LCN8: variants seen among roughly 807,000 people sequenced by gnomAD.
LCN8 encodes epididymal-specific lipocalin-8.
In LCN8, 16 loss-of-function variants were observed where a neutral mutation model predicts 22.8. The ratio of observed to expected loss-of-function variants is 0.70; its 90% CI spans 0.47 to 1.06. The LOEUF (loss-of-function observed/expected upper bound fraction) is 1.06, where lower values mean the gene tolerates loss of function less well. Among genes scored for constraint, LCN8 ranks in the 50% least tolerant of loss-of-function variants. The pLI, the probability that LCN8 is intolerant of heterozygous loss-of-function variation, is 0.00. For missense variants in LCN8, 189 were observed against 203.3 expected (o/e 0.93, Z 0.43); for synonymous variants, 92 against 83.4 (o/e 1.10, Z -0.56).
chr9:136,758,045 A>G lies in LCN8; in HGVS notation c.-115T>C. 6.5e-7 allele frequency: 1 copy of G among 1,547,074 alleles called. No homozygotes were observed. Among genetic ancestry groups the G allele is most frequent in the East Asian group, 2.4e-5 (1 of 41,024 alleles). On this transcript the variant is annotated 5_prime_UTR_variant, in exon 1 of 7. Coordinates refer to ENST00000371688, the MANE Select transcript of LCN8 (RefSeq NM_178469.4). ...TTCCCCTGCTGCACAGCCTGGGCCGATTCTATACGGACAGTGCAGGCTTGT... is the reference window on the plus strand; with the variant it reads ...TTCCCCTGCTGCACAGCCTGGGCCGGTTCTATACGGACAGTGCAGGCTTGT...
chr9:136,758,178 G>A lies in LCN8; in HGVS notation c.-248C>T. On this transcript the variant is annotated 5_prime_UTR_variant, in exon 1 of 7. Coordinates refer to ENST00000371688, the MANE Select transcript of LCN8 (RefSeq NM_178469.4). ...TGGTGACACCCACGCCCACCGCAGG[G>A]GTTAGCCTGGCCTAGACAGCAGCCT... 7.0e-7 allele frequency: 1 copy of A among 1,419,568 alleles called. No individual in the cohort carries two copies. The highest frequency in any genetic ancestry group is 9.2e-7 in the Non-Finnish European group (1 of 1,087,230). 87.9% of individuals were successfully genotyped at this position (1,419,568 alleles called of 1,614,324 possible).
intron 6 of LCN8, 177 bp downstream of exon 6, chr9:136,754,958 G>T: frequency 7.1e-7 from 1 of 1,401,002 alleles, no homozygotes. Context: ...CAAACCAGGA[G>T]ACAGACTCAT....
chr9:136,757,214 G>T, intron 1 of LCN8, 46 bp from the exon 2 acceptor site: 1 of 1,593,792 alleles, frequency 6.3e-7, no homozygotes, highest in Non-Finnish European at 8.5e-7. Flanking sequence ...GTGGGTCTGA[G>T]ACCCCCAGGG....
At chr9:136,758,316 C>T, upstream of LCN8, 1 of 1,142,698 alleles carries the variant, frequency 8.8e-7, no homozygotes, top group Non-Finnish European at 1.1e-6. Flanking sequence ...GACCCCCACC[C>T]CACATGACAC....
intron 1 of LCN8, chr9:136,757,488 G>T: frequency 7.4e-7 from 1 of 1,351,794 alleles, no homozygotes. Context: ...CTCGGAGGCA[G>T]GACCCAGGAG....
Position 136,754,525 on chromosome 9 carries a change from G to C in LCN8, c.448-16C>G. 1 of 1,551,918 alleles carries C rather than the reference G, an allele frequency of 6.4e-7. No individual in the cohort carries two copies. On this transcript the variant is annotated splice_polypyrimidine_tract_variant and intron_variant, in intron 6 of 6. Transcript: ENST00000371688. Reference sequence around the variant, plus strand: ...AAATCAGCTCCTGCGACACAGAAGTGCAGGGGCTCAGGCCCGTGTGGTCTC... The same window carrying C: ...AAATCAGCTCCTGCGACACAGAAGTCCAGGGGCTCAGGCCCGTGTGGTCTC...
At chr9:136,754,566 G>A (rs954837632) in intron 6 of LCN8, 57 bp from the exon 7 acceptor site, 13 of 1,539,408 alleles carry the variant, frequency 8.4e-6, no homozygotes, top group Admixed American at 4.0e-5. Context: ...GCCCCACGGG[G>A]CTTCGATGAG....
intron 6 of LCN8, 145 bp downstream of exon 6, chr9:136,754,990 G>T: frequency 7.0e-7 from 1 of 1,422,568 alleles, no homozygotes; most frequent in Non-Finnish European, 9.2e-7. Flanking sequence ...CCCACCAGTG[G>T]TGTTTGGTGT....
intron 1 of LCN8, 187 bp downstream of exon 1, chr9:136,757,720 C>T: frequency 1.0e-6 from 1 of 985,484 alleles, no homozygotes; most frequent in Non-Finnish European, 1.2e-6. Context: ...CTTCTCTGGG[C>T]CTGCTAATGT....
In LCN8 at chr9:136,758,051, T is replaced by A; in HGVS notation, c.-121A>T. ...TGCTGCACAGCCTGGGCCGATTCTATACGGACAGTGCAGGCTTGTGCGCCC... is the reference window on the plus strand; with the variant it reads ...TGCTGCACAGCCTGGGCCGATTCTAAACGGACAGTGCAGGCTTGTGCGCCC... On this transcript the variant is annotated 5_prime_UTR_variant, in exon 1 of 7. Coordinates refer to ENST00000371688, the MANE Select transcript of LCN8 (RefSeq NM_178469.4). 2 of 1,542,148 alleles carry A rather than the reference T, an allele frequency of 1.3e-6. No homozygotes were observed. The highest frequency in any genetic ancestry group is 2.4e-5 in the South Asian group (2 of 84,176).
intron 1 of LCN8, chr9:136,757,654 A>G: frequency 2.8e-6 from 4 of 1,426,628 alleles, no homozygotes; most frequent in Non-Finnish European, 3.7e-6. Context: ...TTCCGCTGAG[A>G]CTTTTAAAAA....
chr9:136,758,183 G>T lies in LCN8; in HGVS notation c.-253C>A. ...ACACCCACGCCCACCGCAGGGGTTA[G>T]CCTGGCCTAGACAGCAGCCTGCCCA... On this transcript the variant is annotated 5_prime_UTR_variant, in exon 1 of 7. Coordinates refer to ENST00000371688, the MANE Select transcript of LCN8 (RefSeq NM_178469.4). 4.2e-6 allele frequency: 6 copies of T among 1,415,156 alleles called. No homozygotes were observed. The highest frequency in any genetic ancestry group is 5.5e-6 in the Non-Finnish European group (6 of 1,084,934). 87.7% of individuals were successfully genotyped at this position (1,415,156 alleles called of 1,614,324 possible).
chr9:136,755,430 G>A lies in LCN8; in HGVS notation c.313C>T (p.Arg105Cys), dbSNP rs772091181. The change falls in exon 4 of 7, where the codon CGC becomes TGC. Residue 105 changes from arginine to cysteine, a missense_variant. By Grantham distance (180) the Arg-to-Cys change is radical. Coordinates refer to ENST00000371688, the MANE Select transcript of LCN8 (RefSeq NM_178469.4). Reference sequence around the variant, plus strand: ...AGCTTACTAAAGTACTTGAGGACGCGAAAGTTCCTGCCCCGCCACATCAGG... The same window carrying A: ...AGCTTACTAAAGTACTTGAGGACGCAAAAGTTCCTGCCCCGCCACATCAGG... ...VSLMWRGRNF[R>C]VLKYFTRSLE... 3.2e-5 allele frequency: 52 copies of A among 1,611,218 alleles called. 1 individual carries two copies. In the East Asian group the frequency reaches 1.1e-3, roughly 34 times the overall value.
In LCN8 at chr9:136,757,024, C is replaced by T. The variant is rs749068776; in HGVS notation, c.155+14G>A. 1.2e-6 allele frequency: 2 copies of T among 1,611,948 alleles called. No homozygotes were observed. Among genetic ancestry groups the T allele is most frequent in the Non-Finnish European group, 1.7e-6 (2 of 1,179,296 alleles). ...GCATGCCTCTTCCTCTCCAGCAGCC[C>T]CCAGGCCTCTTACCTGTTATATGCA... On this transcript the variant is annotated intron_variant, in intron 2 of 6. Transcript: ENST00000371688.
chr9:136,757,443 C>T (rs1588309629), intron 1 of LCN8: 26 of 1,369,808 alleles, frequency 1.9e-5, no homozygotes, highest in East Asian at 2.8e-5. Flanking sequence ...AGGGCTTCTG[C>T]GACATGTCGG....
rs1475102653 is a variant in LCN8, at chr9:136,757,038, C to T, written c.155G>A (p.Ser52Asn). 6.2e-7 allele frequency: 1 copy of T among 1,613,050 alleles called. No individual in the cohort carries two copies. Among genetic ancestry groups the T allele is most frequent in the Admixed American group, 1.7e-5 (1 of 59,962 alleles). Residue 52 changes from serine (S) to asparagine (N), a missense_variant and splice_region_variant, in exon 2 of 7, where the codon AGC becomes AAC. Coordinates refer to ENST00000371688, the MANE Select transcript of LCN8 (RefSeq NM_178469.4). ...SNLTVKVAYNSSGSCEIEKIV... is the reference protein window; with the variant it reads ...SNLTVKVAYNNSGSCEIEKIV... The stretch of plus-strand genomic sequence containing the variant: ...CTCCAGCAGCCCCCAGGCCTCTTAC[C>T]TGTTATATGCAACCTTCACGGTCAG...
rs577055700 is a variant in LCN8 at position 136,754,640 on chromosome 9, C to T, written c.448-131G>A. Reference sequence around the variant, plus strand: ...TGCGCAAAGCACCCAGCTCCCTGAGCGCCTTCTCAATCTGCAAAATGGGGT... The same window carrying T: ...TGCGCAAAGCACCCAGCTCCCTGAGTGCCTTCTCAATCTGCAAAATGGGGT... On this transcript the variant is annotated intron_variant, in intron 6 of 6. Coordinates refer to ENST00000371688, the MANE Select transcript of LCN8 (RefSeq NM_178469.4). The T allele has an allele frequency of 1.1e-4, 166 of 1,447,122 alleles. 1 individual carries two copies. The South Asian group carries it at 2.2e-3, about 19-fold the overall frequency. The allele number at this position is 1,447,122 out of a possible 1,614,324, so 89.6% of individuals were successfully genotyped here. A position where few individuals can be genotyped will look rare whatever the true frequency, so the allele number is the denominator to read the frequency against.
Position 136,757,915 on chromosome 9 carries a change from G to A in LCN8, c.16C>T (p.Arg6Trp), listed in dbSNP as rs199795045. 28 of 1,613,596 alleles carry A rather than the reference G, an allele frequency of 1.7e-5. No homozygotes were observed. The highest frequency in any genetic ancestry group is 7.7e-5 in the South Asian group (7 of 91,074). Reference sequence around the variant, plus strand: ...TAAGAAGGAGAAGCCACCTTCTGCCGGTCCAGCTCCTCCATGGCTGCTGCC... The same window carrying A: ...TAAGAAGGAGAAGCCACCTTCTGCCAGTCCAGCTCCTCCATGGCTGCTGCC... Reference protein sequence around the residue: MEELDRQKIGGFWREV... With the variant: MEELDWQKIGGFWREV... The change falls in exon 1 of 7, where the codon CGG becomes TGG. Residue 6 changes from arginine (R) to tryptophan (W), a missense_variant. Transcript: ENST00000371688.
Position 136,754,453 on chromosome 9 carries a change from G to A in LCN8, c.*45C>T. Reference sequence around the variant, plus strand: ...GGGCAGGGTGCCCAGGAGGGGCAGGGGTGGGCGGGCGCTCCGAACCTTGTG... The same window carrying A: ...GGGCAGGGTGCCCAGGAGGGGCAGGAGTGGGCGGGCGCTCCGAACCTTGTG... On this transcript the variant is annotated 3_prime_UTR_variant, in exon 7 of 7. Transcript: ENST00000371688. 6.4e-7 allele frequency: 1 copy of A among 1,554,590 alleles called. No individual in the cohort carries two copies. The highest frequency in any genetic ancestry group is 8.7e-7 in the Non-Finnish European group (1 of 1,149,150).
Sources: gnomAD v4.1 joint callset for allele counts on GRCh38, gnomAD v4.1.1 for gene constraint, MANE v1.5 for transcripts, NCBI Gene and HGNC (gene_info 2026-07-23, HGNC 2026-07-21) for gene names.